GPAT3: variants seen among roughly 807,000 people sequenced by gnomAD.
GPAT3 encodes glycerol-3-phosphate acyltransferase 3.
GPAT3 carries 53 observed loss-of-function variants against 58.8 expected under a neutral mutation model. That is an observed-to-expected ratio of 0.90 (90% CI 0.72 to 1.13). The LOEUF (loss-of-function observed/expected upper bound fraction) is 1.13, where lower values mean the gene tolerates loss of function less well. Ranked by LOEUF, GPAT3 falls within the 50% of genes most tolerant of loss-of-function variation. The pLI, the probability that GPAT3 is intolerant of heterozygous loss-of-function variation, is 0.00. For missense variants in GPAT3, 511 were observed against 527.6 expected, an observed-to-expected ratio of 0.97 and a Z score of 0.31; for synonymous variants, 197 against 187.4, an observed-to-expected ratio of 1.05 and a Z score of -0.42.
intron 2 of GPAT3, among the ~76,000 whole-genome samples, chr4:83,561,044 C>T (rs1334165995): frequency 6.6e-6 from 1 of 152,170 alleles, no homozygotes; most frequent in Admixed American, 6.5e-5. Flanking sequence ...CAGACTAATA[C>T]AACTGGCGTC....
chr4:83,604,873 T>G lies in GPAT3; in HGVS notation c.*106T>G, dbSNP rs1727199415. On this transcript the variant is annotated 3_prime_UTR_variant, in exon 12 of 12. Coordinates refer to ENST00000264409, the MANE Select transcript of GPAT3 (RefSeq NM_032717.5). ...TTTGTTTTTATTATTGTTAATCTTT[T>G]CTACAGAATGATTGTCTCTACCTCT... 2 of 951,458 alleles carry G rather than the reference T, an allele frequency of 2.1e-6. No homozygotes were observed. The highest frequency in any genetic ancestry group is 3.1e-6 in the Non-Finnish European group (2 of 644,880). 58.9% of individuals were successfully genotyped at this position (951,458 alleles called of 1,614,324 possible).
At chr4:83,578,943 T>TTCTC (rs1553946746) in intron 2 of GPAT3, among the ~76,000 whole-genome samples, 1 of 9,330 alleles carries the variant, frequency 1.1e-4, no homozygotes, top group African/African-American at 2.7e-4. Context: ...CTTTCTTTTC[T>TTCTC]TTTCTTTTCT....
At chr4:83,544,656 A>C in intron 2 of GPAT3, 54 bp downstream of exon 2, 2 of 1,519,508 alleles carry the variant, frequency 1.3e-6, no homozygotes, top group Non-Finnish European at 1.8e-6. Context: ...GGTGGATGTA[A>C]ACCTACCCAA....
At chr4:83,576,642 G>A (rs756520541) in intron 2 of GPAT3, among the ~76,000 whole-genome samples, 10 of 151,750 alleles carry the variant, frequency 6.6e-5, no homozygotes, top group South Asian at 2.1e-4. Context: ...ATGGGATTTC[G>A]CATGTTGGCC....
At chr4:83,564,438 C>T (rs925866705) in intron 2 of GPAT3, among the ~76,000 whole-genome samples, 2 of 152,110 alleles carry the variant, frequency 1.3e-5, no homozygotes, top group Non-Finnish European at 2.9e-5. Flanking sequence ...GTAGTTCATG[C>T]CCATAATCCT....
At position 83,579,077 on chromosome 4, in the gene GPAT3, T is replaced by TTTC. The variant is rs1560621403; in HGVS notation, c.209-2485_209-2484insTTC. 8.2e-4 allele frequency among the ~76,000 whole-genome samples: 22 copies of TTTC among 26,908 alleles called. 2 individuals are homozygous for TTTC. The highest frequency in any genetic ancestry group is 2.3e-3 in the African/African-American group (18 of 7,868). The allele number at this position is 26,908 out of a possible 152,430, so 17.7% of individuals were successfully genotyped here. ...TTCTTTCTTTCTTTCTTTCTTTCTT[T>TTTC]CTTCCCTTCCTTCCTTCCTTCCTTC... On this transcript the variant is annotated intron_variant, in intron 2 of 11. Transcript: ENST00000264409.
intron 2 of GPAT3, among the ~76,000 whole-genome samples, chr4:83,557,967 C>G (rs138604016): frequency 0.086 from 13,110 of 152,214 alleles, 626 homozygotes; most frequent in Middle Eastern, 0.1. Context: ...GATCCCAGCA[C>G]TTTGGGAGGC....
intron 2 of GPAT3, among the ~76,000 whole-genome samples, chr4:83,580,704 A>ATGATATTAAT (rs1333582966): frequency 2.0e-5 from 3 of 152,174 alleles, no homozygotes; most frequent in South Asian, 2.1e-4. Flanking sequence ...CACTAGTGAA[A>ATGATATTAAT]AGTTGTATGA....
In GPAT3 at chr4:83,598,100, T is replaced by C; in HGVS notation, c.1046T>C (p.Met349Thr). ...TTTTGGAACAGTAGTAAATACAACA[T>C]GGTGAGCTACCTGCTTCGAATGATG... is the stretch of plus-strand genomic sequence containing the variant. Reference protein sequence around the residue: ...DAFWNSSKYNMVSYLLRMMTS... With the variant: ...DAFWNSSKYNTVSYLLRMMTS... Residue 349 changes from methionine to threonine, a missense_variant, in exon 10 of 12, where the codon ATG becomes ACG. Met to Thr is a moderately conservative substitution (Grantham distance 81, BLOSUM62 -1). Coordinates refer to ENST00000264409, the MANE Select transcript of GPAT3 (RefSeq NM_032717.5). 3.7e-6 allele frequency: 6 copies of C among 1,613,680 alleles called. No homozygotes were observed. The highest frequency in any genetic ancestry group is 1.3e-5 in the African/African-American group (1 of 74,976).
chr4:83,562,211 T>TTATATA (rs1553944907), intron 2 of GPAT3, among the ~76,000 whole-genome samples: 23 of 72,986 alleles, frequency 3.2e-4, no homozygotes, highest in South Asian at 1.1e-3. Flanking sequence ...TATATATATA[T>TTATATA]TATATATATA....
chr4:83,584,649 G>A (rs1726310621), intron 3 of GPAT3, among the ~76,000 whole-genome samples: 1 of 152,196 alleles, frequency 6.6e-6, no homozygotes, highest in South Asian at 2.1e-4. Context: ...GGAATTACAG[G>A]CATGTGCCTC....
At chr4:83,538,152 C>G (rs531623367) in intron 1 of GPAT3, among the ~76,000 whole-genome samples, 1 of 152,248 alleles carries the variant, frequency 6.6e-6, no homozygotes, top group African/African-American at 2.4e-5. Flanking sequence ...GCTCTTCTTT[C>G]TCAGCTAATT....
At chr4:83,590,107 TAC>T (rs575645323) in intron 5 of GPAT3, 90 bp from the exon 6 acceptor site, 1,317 of 1,137,964 alleles carry the variant, frequency 1.2e-3, no homozygotes, top group Non-Finnish European at 1.4e-3. Flanking sequence ...ATTACATATA[TAC>T]ACACACACAC....
intron 1 of GPAT3, among the ~76,000 whole-genome samples, chr4:83,537,625 G>GTGTGTGTGTA (rs138199995): frequency 2.7e-5 from 4 of 147,582 alleles, no homozygotes; most frequent in African/African-American, 1.0e-4. Context: ...GTGTGTGTGT[G>GTGTGTGTGTA]TATATTTAAC....
intron 2 of GPAT3, among the ~76,000 whole-genome samples, chr4:83,565,969 A>G (rs963829514): frequency 6.6e-6 from 1 of 152,174 alleles, no homozygotes; most frequent in East Asian, 1.9e-4. Flanking sequence ...TTTAACTGAC[A>G]TGGGTGGGAG....
chr4:83,536,289 C>A lies in GPAT3; in HGVS notation c.-334C>A. On this transcript the variant is annotated 5_prime_UTR_variant, in exon 1 of 12. Coordinates refer to ENST00000264409, the MANE Select transcript of GPAT3 (RefSeq NM_032717.5). ...GGGCGGGTTCCTGGCTGCGCTCGCGCGCTCTGCCCGCGCCGCGGTGTGCCT... is the reference window on the plus strand; with the variant it reads ...GGGCGGGTTCCTGGCTGCGCTCGCGAGCTCTGCCCGCGCCGCGGTGTGCCT... 9.5e-7 allele frequency: 1 copy of A among 1,054,676 alleles called. No individual in the cohort carries two copies. The highest frequency in any genetic ancestry group is 1.1e-6 in the Non-Finnish European group (1 of 875,256). 65.3% of individuals were successfully genotyped at this position (1,054,676 alleles called of 1,614,324 possible).
At chr4:83,583,907 C>T (rs187606152) in intron 3 of GPAT3, among the ~76,000 whole-genome samples, 29 of 151,400 alleles carry the variant, frequency 1.9e-4, no homozygotes, top group Admixed American at 6.6e-4. Context: ...ACCCGGGAGG[C>T]GGAGGTTGCA....
At chr4:83,584,856 A>G (rs1726319929) in intron 3 of GPAT3, among the ~76,000 whole-genome samples, 1 of 152,250 alleles carries the variant, frequency 6.6e-6, no homozygotes, top group African/African-American at 2.4e-5. Flanking sequence ...TTGTATGTCA[A>G]TAAAGCTCTT....
chr4:83,604,633 A>C (rs368213869), intron 11 of GPAT3, 35 bp from the exon 12 acceptor site: 339 of 1,548,080 alleles, frequency 2.2e-4, no homozygotes, highest in Non-Finnish European at 2.7e-4. Context: ...CACCGCTGTA[A>C]AGTATCTTTT....
Sources: gnomAD v4.1 joint callset for allele counts (sites outside exome capture counted in the v4.1 genomes callset) on GRCh38, gnomAD v4.1.1 for gene constraint, MANE v1.5 for transcripts, NCBI Gene and HGNC (gene_info 2026-07-23, HGNC 2026-07-21) for gene names.